Variants in ANO3 observed in about 807,000 individuals in gnomAD.
ANO3 encodes anoctamin-3.
ANO3 carries 99 observed loss-of-function variants against 144.8 expected under a neutral mutation model. That is an observed-to-expected ratio of 0.68 (90% CI 0.58 to 0.81). ANO3 has a LOEUF of 0.81. Ranked by LOEUF, ANO3 falls within the 30% of genes least tolerant of loss-of-function variation. The pLI, the probability that ANO3 is intolerant of heterozygous loss-of-function variation, is 0.00. For synonymous variants in ANO3, 414 were observed against 392.6 expected (o/e 1.05, Z -0.64); for missense variants, 905 against 1,202.2 (o/e 0.75, Z 3.66).
chr11:26,490,504 T>C (rs1860661121), intron 4 of ANO3, among the ~76,000 whole-genome samples: 1 of 152,200 alleles, frequency 6.6e-6, no homozygotes, highest in Non-Finnish European at 1.5e-5. Context: ...TGCTTTACTG[T>C]TCAATATTTA....
In ANO3 at chr11:26,204,471, A is replaced by G. The variant is rs181221802; in HGVS notation, c.154+15141A>G. On this transcript the variant is annotated intron_variant, in intron 1 of 27. Coordinates refer to the ANO3 transcript ENST00000672621. The stretch of plus-strand genomic sequence containing the variant: ...AAGGAAAAAGTAGGCGTGGATATCT[A>G]TGCTATGGGAACTCCAGGAAATACA... Among the ~76,000 whole-genome samples, 272 of 152,244 alleles carry G rather than the reference A, an allele frequency of 1.8e-3. 3 individuals carry two copies. Among genetic ancestry groups the G allele is most frequent in the African/African-American group, 6.0e-3 (251 of 41,560 alleles).
chr11:26,355,887 T>C (rs1855770188), intron 1 of ANO3, among the ~76,000 whole-genome samples: 1 of 152,216 alleles, frequency 6.6e-6, no homozygotes, highest in African/African-American at 2.4e-5. Context: ...ATGCTGATTC[T>C]TGGCATGGTT....
At chr11:26,558,360 G>A (rs1423299124) in intron 13 of ANO3, among the ~76,000 whole-genome samples, 2 of 151,922 alleles carry the variant, frequency 1.3e-5, no homozygotes, top group African/African-American at 4.8e-5. Context: ...TATGATGTTG[G>A]TTTACAAAGG....
intron 14 of ANO3, among the ~76,000 whole-genome samples, chr11:26,575,671 A>T (rs938259119): frequency 1.2e-4 from 18 of 152,220 alleles, no homozygotes; most frequent in Non-Finnish European, 2.5e-4. Context: ...TAATTTCACA[A>T]AATTATTTTA....
At chr11:26,548,290 C>T (rs1290294991) in intron 12 of ANO3, among the ~76,000 whole-genome samples, 1 of 151,914 alleles carries the variant, frequency 6.6e-6, no homozygotes, top group Non-Finnish European at 1.5e-5. Context: ...AGGAACAGCA[C>T]ATTGTTATTC....
chr11:26,545,706 CA>C (rs1849768684), intron 11 of ANO3, among the ~76,000 whole-genome samples: 1 of 83,104 alleles, frequency 1.2e-5, no homozygotes, highest in South Asian at 4.1e-4. Flanking sequence ...ACACAAGGCA[CA>C]AATATTAAAA....
At chr11:26,555,116 G>A (rs547363913) in intron 13 of ANO3, among the ~76,000 whole-genome samples, 5 of 152,166 alleles carry the variant, frequency 3.3e-5, no homozygotes, top group African/African-American at 7.2e-5. Flanking sequence ...AGTCTGTTTC[G>A]TTTATACTTT....
At chr11:26,323,095 T>G (rs1371047289) in intron 1 of ANO3, among the ~76,000 whole-genome samples, 2 of 151,974 alleles carry the variant, frequency 1.3e-5, no homozygotes, top group African/African-American at 4.8e-5. Context: ...TTCATCAATT[T>G]TGTGTGTGTG....
At chr11:26,301,394 A>C (rs1854229437) in intron 1 of ANO3, among the ~76,000 whole-genome samples, 1 of 152,210 alleles carries the variant, frequency 6.6e-6, no homozygotes, top group African/African-American at 2.4e-5. Context: ...TATGCAGTTA[A>C]AATAATTTTA....
intron 17 of ANO3, among the ~76,000 whole-genome samples, chr11:26,618,463 C>T (rs1852322840): frequency 6.6e-6 from 1 of 152,118 alleles, no homozygotes; most frequent in South Asian, 2.1e-4. Flanking sequence ...GCTGGTTGGT[C>T]TTCCTGTCTC....
chr11:26,354,208 C>T (rs111718786), intron 1 of ANO3, among the ~76,000 whole-genome samples: 4,135 of 152,128 alleles, frequency 0.027, 162 homozygotes, highest in African/African-American at 0.091. Context: ...ATTAATGTAA[C>T]GTACAGAATT....
intron 18 of ANO3, among the ~76,000 whole-genome samples, chr11:26,627,840 TGTGTGTGTGTGTGTGC>T (rs1265231242): frequency 0.013 from 1,811 of 142,950 alleles, 38 homozygotes; most frequent in African/African-American, 0.045. Context: ...TGTGTGTGTG[TGTGTGTGTGTGTGTGC>T]GCCTGACATT....
At chr11:26,299,924 G>C (rs1854186310) in intron 1 of ANO3, among the ~76,000 whole-genome samples, 1 of 152,134 alleles carries the variant, frequency 6.6e-6, no homozygotes, top group Admixed American at 6.5e-5. Context: ...GAAATAGGAA[G>C]CAAAATTATC....
intron 3 of ANO3, among the ~76,000 whole-genome samples, chr11:26,447,493 A>G (rs1045555158): frequency 6.6e-6 from 1 of 152,128 alleles, no homozygotes; most frequent in Non-Finnish European, 1.5e-5. Context: ...TTTAATCACC[A>G]CACTAGCCAC....
At chr11:26,268,223 C>A (rs1464940236) in intron 1 of ANO3, among the ~76,000 whole-genome samples, 1 of 152,170 alleles carries the variant, frequency 6.6e-6, no homozygotes, top group Non-Finnish European at 1.5e-5. Context: ...AAAACTGTTA[C>A]TTGAGACCAG....
At chr11:26,217,130 T>C (rs1412238000) in intron 1 of ANO3, among the ~76,000 whole-genome samples, 3 of 152,174 alleles carry the variant, frequency 2.0e-5, no homozygotes, top group South Asian at 4.1e-4. Flanking sequence ...TACCTAAAAA[T>C]TGATCACCAC....
chr11:26,635,120 A>G, intron 20 of ANO3, 50 bp downstream of exon 20: 1 of 1,515,474 alleles, frequency 6.6e-7, no homozygotes. Flanking sequence ...GATATGGGCC[A>G]GTTACTGCGG....
intron 1 of ANO3, among the ~76,000 whole-genome samples, chr11:26,247,755 G>A (rs1262643037): frequency 1.8e-5 from 2 of 109,546 alleles, no homozygotes; most frequent in Non-Finnish European, 3.7e-5. Flanking sequence ...TTGAGACGGA[G>A]TCTCACACTG....
chr11:26,610,308 A>AT (rs34715952), intron 17 of ANO3, among the ~76,000 whole-genome samples: 13,548 of 130,208 alleles, frequency 0.1, 1,006 homozygotes, highest in Admixed American at 0.2. Flanking sequence ...GATGTTGAGC[A>AT]TTTTTTTTTT....
Sources: gnomAD v4.1 joint callset for allele counts (sites outside exome capture counted in the v4.1 genomes callset) on GRCh38, gnomAD v4.1.1 for gene constraint, MANE v1.5 for transcripts, NCBI Gene and HGNC (gene_info 2026-07-23, HGNC 2026-07-21) for gene names.